The following PDGFD variants were observed in gnomAD, a reference collection of about 807,000 sequenced individuals.
The protein encoded by PDGFD is platelet-derived growth factor D.
PDGFD carries 30 observed loss-of-function variants against 44.7 expected under a neutral mutation model. That is an observed-to-expected ratio of 0.67 (90% CI 0.50 to 0.91). PDGFD has a LOEUF of 0.91. PDGFD is among the 40% of genes least tolerant of loss of function. The probability of loss-of-function intolerance (pLI) is 0.00; values close to 1 mark genes in which losing one functional copy is unlikely to be tolerated. For missense variants in PDGFD, 445 were observed against 457.8 expected, an observed-to-expected ratio of 0.97 and a Z score of 0.25; for synonymous variants, 173 against 168.4, an observed-to-expected ratio of 1.03 and a Z score of -0.21.
chr11:103,953,792 G>A (rs77815896), intron 3 of PDGFD, among the ~76,000 whole-genome samples: 2 of 152,292 alleles, frequency 1.3e-5, no homozygotes, highest in African/African-American at 4.8e-5. Flanking sequence ...AAGTGTTCTT[G>A]TAGATACGTT....
rs146759656 is a variant in PDGFD at position 103,946,876 on chromosome 11, C to T, written c.573+786G>A. On this transcript the variant is annotated intron_variant, in intron 4 of 6. Coordinates refer to ENST00000393158, the MANE Select transcript of PDGFD (RefSeq NM_025208.5). ...CCATATGAAAGAGTTTTTAAAAAAT[C>T]CTCCAGAGAGCAAAAGATAACATAC... 8.3e-4 allele frequency among the ~76,000 whole-genome samples: 126 copies of T among 152,190 alleles called. 1 individual carries two copies. In the East Asian group the frequency reaches 0.02, roughly 24 times the overall value.
intron 1 of PDGFD, among the ~76,000 whole-genome samples, chr11:104,098,269 C>T (rs1185955706): frequency 1.3e-5 from 2 of 152,110 alleles, no homozygotes; most frequent in East Asian, 1.9e-4. Flanking sequence ...CCTGGTTCAA[C>T]CCCCCTACCT....
chr11:104,039,836 G>GA (rs1189450840), intron 1 of PDGFD, among the ~76,000 whole-genome samples: 3 of 151,920 alleles, frequency 2.0e-5, no homozygotes, highest in East Asian at 1.9e-4. Flanking sequence ...GTTCATTTAT[G>GA]AAAAAAAGGT....
chr11:104,056,264 C>A (rs1280395400), intron 1 of PDGFD, among the ~76,000 whole-genome samples: 4 of 152,120 alleles, frequency 2.6e-5, no homozygotes, highest in African/African-American at 9.7e-5. Context: ...GGAGCAATGT[C>A]TTTATTTTCA....
At chr11:104,097,703 G>C (rs112561910) in intron 1 of PDGFD, among the ~76,000 whole-genome samples, 7 of 152,090 alleles carry the variant, frequency 4.6e-5, no homozygotes, top group Non-Finnish European at 1.0e-4. Context: ...AACAATCCCC[G>C]CACCAACTCT....
At chr11:103,943,211 C>T (rs1858613674) in intron 5 of PDGFD, among the ~76,000 whole-genome samples, 1 of 152,116 alleles carries the variant, frequency 6.6e-6, no homozygotes, top group Non-Finnish European at 1.5e-5. Flanking sequence ...GATCCAAAAT[C>T]CAAAACTTTT....
chr11:103,933,024 C>A (rs1405312908), intron 5 of PDGFD, among the ~76,000 whole-genome samples: 1 of 152,130 alleles, frequency 6.6e-6, no homozygotes, highest in Non-Finnish European at 1.5e-5. Context: ...AGGAGTGGCA[C>A]ACATGGTAGA....
intron 1 of PDGFD, among the ~76,000 whole-genome samples, chr11:104,055,366 G>C (rs964693103): frequency 1.3e-5 from 2 of 152,118 alleles, no homozygotes; most frequent in African/African-American, 4.8e-5. Context: ...ATTTGTTGAA[G>C]GGGTAAATGA....
In PDGFD at chr11:104,163,787, TA is replaced by T; in HGVS notation, c.124+16del. The T allele has an allele frequency of 6.6e-7, 1 of 1,505,364 alleles. No homozygotes were observed. The highest frequency in any genetic ancestry group is 1.3e-5 in the South Asian group (1 of 74,416). The allele number at this position is 1,505,364 out of a possible 1,614,324, so 93.3% of individuals were successfully genotyped here. A position where few individuals can be genotyped will look rare whatever the true frequency, so the allele number is the denominator to read the frequency against. ...CATGATTTTTTTTTCAGTTAAAAAA[TA>T]AAATGAGTCTCTTACCATCTCGCCT... is the stretch of plus-strand genomic sequence containing the variant. On this transcript the variant is annotated intron_variant, in intron 1 of 6. Transcript: ENST00000393158.
At chr11:103,928,771 C>T (rs1858356943) in intron 5 of PDGFD, among the ~76,000 whole-genome samples, 1 of 152,148 alleles carries the variant, frequency 6.6e-6, no homozygotes, top group South Asian at 2.1e-4. Flanking sequence ...TGAATGAACT[C>T]TGTCTTGGGA....
At chr11:103,988,951 T>C (rs1317318655) in intron 3 of PDGFD, among the ~76,000 whole-genome samples, 1 of 152,184 alleles carries the variant, frequency 6.6e-6, no homozygotes, top group Non-Finnish European at 1.5e-5. Context: ...TTGTATTAAA[T>C]ACTTCACATA....
chr11:104,084,766 T>TATAC (rs1264162356), intron 1 of PDGFD, among the ~76,000 whole-genome samples: 2 of 67,934 alleles, frequency 2.9e-5, no homozygotes, highest in African/African-American at 2.4e-4. Flanking sequence ...ATATATTAAT[T>TATAC]ATAAAATTAT....
chr11:104,016,984 T>C (rs935446968), intron 1 of PDGFD, among the ~76,000 whole-genome samples: 3 of 152,192 alleles, frequency 2.0e-5, no homozygotes, highest in Non-Finnish European at 4.4e-5. Context: ...CAAATTCACA[T>C]GTTGAAATTC....
At chr11:104,041,322 A>G (rs72973271) in intron 1 of PDGFD, among the ~76,000 whole-genome samples, 12 of 152,154 alleles carry the variant, frequency 7.9e-5, no homozygotes, top group Non-Finnish European at 1.6e-4. Context: ...GTACAAAAGA[A>G]TACATTTTGT....
At chr11:104,007,077 G>T (rs35965296) in intron 1 of PDGFD, among the ~76,000 whole-genome samples, 10,135 of 152,240 alleles carry the variant, frequency 0.067, 454 homozygotes, top group Non-Finnish European at 0.1. Flanking sequence ...TCTCATCTGC[G>T]TGCTCCCCCT....
intron 1 of PDGFD, among the ~76,000 whole-genome samples, chr11:104,160,960 A>C (rs1862380321): frequency 6.6e-6 from 1 of 152,186 alleles, no homozygotes; most frequent in Admixed American, 6.5e-5. Flanking sequence ...ATAGTATATC[A>C]AGAAGTTGTG....
intron 1 of PDGFD, among the ~76,000 whole-genome samples, chr11:104,028,136 G>A (rs182975288): frequency 8.3e-4 from 123 of 148,700 alleles, no homozygotes; most frequent in African/African-American, 3.0e-3. Flanking sequence ...CTTGTAGTGA[G>A]CCGAGACCGT....
chr11:104,123,889 C>A (rs1205482248), intron 1 of PDGFD, among the ~76,000 whole-genome samples: 4 of 152,072 alleles, frequency 2.6e-5, no homozygotes, highest in African/African-American at 2.4e-5. Flanking sequence ...TTGCTTCTAA[C>A]TGGCAAAGGC....
At position 103,926,919 on chromosome 11, in the gene PDGFD, T is replaced by C. The variant is rs1266147182; in HGVS notation, c.980A>G (p.Tyr327Cys). 1 of 1,613,506 alleles carries C rather than the reference T, an allele frequency of 6.2e-7. No homozygotes were observed. Among genetic ancestry groups the C allele is most frequent in the Admixed American group, 1.7e-5 (1 of 59,944 alleles). Reference sequence around the variant, plus strand: ...AATCTAAGAATGACATACCTCATGATACTTTTTCACGGTTTTCCCTGAATT... The same window carrying C: ...AATCTAAGAATGACATACCTCATGACACTTTTTCACGGTTTTCCCTGAATT... ...TCNSGKTVKK[Y>C]HEVLQFEPGH... The change falls in exon 6 of 7, where the codon TAT (tyrosine) becomes TGT (cysteine). Residue 327 changes from tyrosine (Y) to cysteine (C), a missense_variant. Transcript: ENST00000393158.
Sources: gnomAD v4.1 joint callset for allele counts (sites outside exome capture counted in the v4.1 genomes callset) on GRCh38, gnomAD v4.1.1 for gene constraint, MANE v1.5 for transcripts, NCBI Gene and HGNC (gene_info 2026-07-23, HGNC 2026-07-21) for gene names.